The following NF1 variants were observed in gnomAD, a reference collection of about 807,000 sequenced individuals.
NF1 encodes the protein neurofibromin 1.
In NF1, 122 loss-of-function variants were observed where a neutral mutation model predicts 325.7. The observed-to-expected ratio is 0.37, with a 90% CI of 0.32 to 0.44. The LOEUF is 0.44. Ranked by LOEUF, NF1 falls within the 20% of genes least tolerant of loss-of-function variation. NF1 has a pLI of 1.00. For missense variants in NF1, 2,140 were observed against 3,415.4 expected (o/e 0.63, Z 9.31); for synonymous variants, 1,091 against 1,186.0 (o/e 0.92, Z 1.65).
intron 30 of NF1, chr17:31,249,962 G>T (rs185587871): frequency 2.0e-6 from 1 of 489,840 alleles, no homozygotes; most frequent in South Asian, 1.5e-5. Context: ...CAGAGTCATC[G>T]CAGCCATTTG....
chr17:31,243,180 C>G (rs1050289916), intron 29 of NF1, among the ~76,000 whole-genome samples: 12 of 73,260 alleles, frequency 1.6e-4, no homozygotes, highest in African/African-American at 1.1e-3. Context: ...GTCTCTCTCT[C>G]TGTCTGTGTG....
chr17:31,304,247 A>G, intron 36 of NF1: 1 of 1,561,216 alleles, frequency 6.4e-7, no homozygotes, highest in East Asian at 2.3e-5. Flanking sequence ...ATCAGCTAAA[A>G]AGCAAGTTGT....
At chr17:31,295,116 C>G in intron 36 of NF1, 1 of 1,614,174 alleles carries the variant, frequency 6.2e-7, no homozygotes, top group Non-Finnish European at 8.5e-7. Context: ...GTGGTTGTCT[C>G]TTCCCTCCAT....
chr17:31,312,541 G>A (rs1481188280), intron 36 of NF1, among the ~76,000 whole-genome samples: 1 of 150,982 alleles, frequency 6.6e-6, no homozygotes, highest in African/African-American at 2.4e-5. Flanking sequence ...AAAAAGTATG[G>A]GATTCTATGA....
intron 36 of NF1, among the ~76,000 whole-genome samples, chr17:31,279,470 C>G (rs908892949): frequency 6.6e-6 from 1 of 151,614 alleles, no homozygotes; most frequent in African/African-American, 2.4e-5. Context: ...GGCTTTTTAG[C>G]GTAGACAGTT....
chr17:31,247,455 G>A (rs2067414764), intron 29 of NF1, among the ~76,000 whole-genome samples: 1 of 152,122 alleles, frequency 6.6e-6, no homozygotes, highest in South Asian at 2.1e-4. Context: ...CAAGATAGGG[G>A]AAACCTGAAT....
chr17:31,240,628 T>G (rs2067279972), intron 29 of NF1, among the ~76,000 whole-genome samples: 1 of 152,178 alleles, frequency 6.6e-6, no homozygotes, highest in East Asian at 1.9e-4. Context: ...ATAGTAGTTT[T>G]ATTTTTAGTT....
chr17:31,200,435 A>C lies in NF1; in HGVS notation c.902A>C (p.Asp301Ala). 1 of 1,614,086 alleles carries C rather than the reference A, an allele frequency of 6.2e-7. No homozygotes were observed. The highest frequency in any genetic ancestry group is 8.5e-7 in the Non-Finnish European group (1 of 1,179,994). ...TGAATTCTGTAGAAGTTATTTCTGG[A>C]CAGTCTACGAAAAGCTCTTGCTGGC... The part of the protein sequence containing the change: ...ENNMNKKLFL[D>A]SLRKALAGHG... Residue 301 changes from aspartate (D) to alanine (A), a missense_variant, in exon 9 of 58, where the codon GAC becomes GCC. Physicochemically the swap from Asp to Ala is moderately radical, Grantham distance 126 (BLOSUM62 -2). This residue lies in a region of NF1 where 179 missense variants were observed against 381.0 expected (regional missense o/e 0.47). Coordinates refer to ENST00000358273, the MANE Select transcript of NF1 (RefSeq NM_001042492.3).
At chr17:31,186,798 G>C (rs2066247597) in intron 8 of NF1, among the ~76,000 whole-genome samples, 1 of 152,200 alleles carries the variant, frequency 6.6e-6, no homozygotes, top group Non-Finnish European at 1.5e-5. Flanking sequence ...ATGGTGGCAG[G>C]GATGGAAGTT....
intron 36 of NF1, among the ~76,000 whole-genome samples, chr17:31,277,715 A>T (rs778995391): frequency 3.9e-5 from 6 of 152,184 alleles, no homozygotes; most frequent in Admixed American, 1.3e-4. Flanking sequence ...GCAGGGTCCC[A>T]GTGGGCTGGC....
At chr17:31,320,343 T>TA (rs74877638) in intron 36 of NF1, 128,204 of 1,145,622 alleles carry the variant, frequency 0.11, 755 homozygotes, top group Non-Finnish European at 0.12. Flanking sequence ...TCCTTTTATT[T>TA]AAAAAAAAAA....
Position 31,258,360 on chromosome 17 carries a change from T to G in NF1, c.4190T>G (p.Phe1397Cys). 6.2e-7 allele frequency: 1 copy of G among 1,613,958 alleles called. No individual in the cohort carries two copies. Among genetic ancestry groups the G allele is most frequent in the East Asian group, 2.2e-5 (1 of 44,854 alleles). ...ENKKSVVSQR[F>C]PQNSIGAVGS... ...TGTTTTTAGGTGGTTAGCCAGCGTT[T>G]CCCTCAGAACAGCATCGGTGCAGTA... The change falls in exon 32 of 58, where the codon TTC (phenylalanine) becomes TGC (cysteine). Residue 1397 changes from phenylalanine to cysteine, a missense_variant. Physicochemically the swap from Phe to Cys is radical, Grantham distance 205 (BLOSUM62 -2). Around this residue, in one of 10 missense-constraint regions of NF1, gnomAD observed 336 missense variants for 399.0 expected, o/e 0.84. Transcript: ENST00000358273.
intron 39 of NF1, among the ~76,000 whole-genome samples, chr17:31,334,024 C>T (rs1045154649): frequency 2.0e-5 from 3 of 152,126 alleles, no homozygotes; most frequent in Admixed American, 6.5e-5. Flanking sequence ...TGGTGGCTCA[C>T]GCCTGTAATC....
At position 31,181,801 on chromosome 17, in the gene NF1, A is replaced by AG; in HGVS notation, c.730+16_730+17insG. 8.2e-7 allele frequency: 1 copy of AG among 1,218,592 alleles called. No homozygotes were observed. Among genetic ancestry groups the AG allele is most frequent in the Middle Eastern group, 2.5e-4 (1 of 4,032 alleles). The allele number at this position is 1,218,592 out of a possible 1,614,324, so 75.5% of individuals were successfully genotyped here. ...GATATGGCTGGTAAGGATACGATTG[A>AG]TTTTTTTTTTTTTTTTGTCTTTTAA... On this transcript the variant is annotated intron_variant, in intron 7 of 57. Transcript: ENST00000358273.
At position 31,337,350 on chromosome 17, in the gene NF1, TC is replaced by T. The variant is rs775290769; in HGVS notation, c.6428-16del. The T allele has an allele frequency of 3.2e-6, 5 of 1,575,862 alleles. No individual in the cohort carries two copies. The highest frequency in any genetic ancestry group is 4.4e-6 in the Non-Finnish European group (5 of 1,145,750). Reference sequence around the variant, plus strand: ...AGTAATATTTTCTGTCTTTACTTGTTCCTTTATTCTCTTACAGAAGAGACCA... The same window carrying T: ...AGTAATATTTTCTGTCTTTACTTGTTCTTTATTCTCTTACAGAAGAGACCA... On this transcript the variant is annotated splice_polypyrimidine_tract_variant and intron_variant, in intron 42 of 57. Transcript: ENST00000358273.
intron 37 of NF1, among the ~76,000 whole-genome samples, chr17:31,327,267 T>C (rs569453099): frequency 6.6e-6 from 1 of 152,320 alleles, no homozygotes; most frequent in East Asian, 1.9e-4. Context: ...CGGCCTTCTA[T>C]AAGATTCTTG....
intron 12 of NF1, among the ~76,000 whole-genome samples, chr17:31,211,523 T>G (rs1007412109): frequency 2.0e-5 from 3 of 152,196 alleles, no homozygotes; most frequent in African/African-American, 7.2e-5. Context: ...GCATCCTTAG[T>G]GATTCAGTCA....
At position 31,200,337 on chromosome 17, in the gene NF1, G is replaced by T; in HGVS notation, c.889-85G>T. On this transcript the variant is annotated intron_variant, in intron 8 of 57. Coordinates refer to ENST00000358273, the MANE Select transcript of NF1 (RefSeq NM_001042492.3). ...CATTCTTTATAGTATGAGTTTTAGA[G>T]GCTGTTAATTTGCTATAATATTAGC... 2.4e-6 allele frequency: 3 copies of T among 1,263,084 alleles called. No homozygotes were observed. The South Asian group carries it at 3.8e-5, about 16-fold the overall frequency. The allele number at this position is 1,263,084 out of a possible 1,614,324, so 78.2% of individuals were successfully genotyped here.
At position 31,367,154 on chromosome 17, in the gene NF1, T is replaced by C; in HGVS notation, c.8377+6451T>C. The C allele has an allele frequency of 3.3e-6, 3 of 904,628 alleles. 1 individual carries two copies. Among genetic ancestry groups the C allele is most frequent in the Middle Eastern group, 5.1e-4 (2 of 3,918 alleles). The allele number at this position is 904,628 out of a possible 1,614,324, so 56.0% of individuals were successfully genotyped here. A position where few individuals can be genotyped will look rare whatever the true frequency, so the allele number is the denominator to read the frequency against. On this transcript the variant is annotated intron_variant, in intron 57 of 57. Transcript: ENST00000358273. ...AACATTATAATTATCTAGTATCTAA[T>C]TGTATTTCACCCTTTTTTAAATCTT... is the stretch of plus-strand genomic sequence containing the variant.
Sources: gnomAD v4.1 joint callset for allele counts (sites outside exome capture counted in the v4.1 genomes callset) on GRCh38, gnomAD v4.1.1 for gene constraint, gnomAD v4.1.1 regional missense constraint, MANE v1.5 for transcripts, NCBI Gene and HGNC (gene_info 2026-07-23, HGNC 2026-07-21) for gene names.